Variants in SMIM1 observed in about 807,000 individuals in gnomAD.
SMIM1 encodes small integral membrane protein 1 (Vel blood group).
SMIM1 carries 7 observed loss-of-function variants against 7.7 expected under a neutral mutation model. The observed-to-expected ratio is 0.91, with a 90% CI of 0.52 to 1.71. The LOEUF is 1.71. Among genes scored for constraint, SMIM1 ranks in the 40% most tolerant of loss-of-function variants. The pLI is 0.00. For synonymous variants in SMIM1, 41 were observed against 42.7 expected (o/e 0.96, Z 0.16); for missense variants, 95 against 102.8 (o/e 0.92, Z 0.33).
At position 3,775,702 on chromosome 1, in the gene SMIM1, T is replaced by A; in HGVS notation, c.111-93T>A. 4.1e-6 allele frequency: 6 copies of A among 1,463,552 alleles called. No individual in the cohort carries two copies. Among genetic ancestry groups the A allele is most frequent in the Non-Finnish European group, 5.4e-6 (6 of 1,106,616 alleles). 90.7% of individuals were successfully genotyped at this position (1,463,552 alleles called of 1,614,324 possible). On this transcript the variant is annotated intron_variant, in intron 3 of 3. Transcript: ENST00000642557. This position sits in a 1 kb window ranked among gnomAD's most constrained non-coding sequence, Gnocchi z 5.3. ...GACTCCAGCAGAGCGCCCAGGCCCC[T>A]CCCCCTGACCCAGACCAACGGCCAC...
intron 2 of SMIM1, among the ~76,000 whole-genome samples, chr1:3,774,990 G>C (rs1643436034): frequency 6.6e-6 from 1 of 152,070 alleles, no homozygotes; most frequent in African/African-American, 2.4e-5. Context: ...CTCGTCTCTT[G>C]AGGGTGGCAG....
chr1:3,775,903 T>G lies in SMIM1; in HGVS notation c.219T>G (p.Tyr73Ter), dbSNP rs1182670350. ...IFILGYLTGY[Y>*]VHKCK is the part of the protein sequence containing the mutation. ...TCCTGGGCTACCTCACAGGCTACTA[T>G]GTGCACAAGTGCAAATAAATGCTGC... Residue 73 changes from tyrosine to a stop codon, truncating the protein, a stop_gained, in exon 4 of 4, where the codon TAT becomes TAG. Transcript: ENST00000642557. LOFTEE classifies it high-confidence loss of function. The surrounding 1 kb of genome is among the most constrained non-coding windows in gnomAD (Gnocchi z 5.3). The G allele has an allele frequency of 1.9e-6, 3 of 1,550,212 alleles. No individual in the cohort carries two copies. The highest frequency in any genetic ancestry group is 2.6e-6 in the Non-Finnish European group (3 of 1,146,900).
rs1248925882 is a variant in SMIM1, at chr1:3,775,103, G to A, written c.-75-196G>A. On this transcript the variant is annotated intron_variant, in intron 2 of 3. Coordinates refer to ENST00000642557, the MANE Select transcript of SMIM1 (RefSeq NM_001288583.2). This position sits in a 1 kb window ranked among gnomAD's most constrained non-coding sequence, Gnocchi z 5.3. ...CATGCCTGAGGTCAGGGCTTGGCCT[G>A]AGATGGAATTCTCGCTTGGTCCCAT... Among the ~76,000 whole-genome samples, 1 of 152,124 alleles carries A rather than the reference G, an allele frequency of 6.6e-6. No individual in the cohort carries two copies. The highest frequency in any genetic ancestry group is 2.4e-5 in the African/African-American group (1 of 41,410).
Position 3,773,053 on chromosome 1 carries a change from A to T in SMIM1, c.-194-10A>T, listed in dbSNP as rs916867056. 3.3e-5 allele frequency: 5 copies of T among 151,778 alleles called. No homozygotes were observed. The highest frequency in any genetic ancestry group is 1.2e-4 in the African/African-American group (5 of 41,404). The allele number at this position is 151,778 out of a possible 1,614,324, so 9.4% of individuals were successfully genotyped here. ...AAGATCGGCTTCTCCGGTCACCTTT[A>T]TTTTTTTAGGCTCGAGGCGTCTGCC... On this transcript the variant is annotated splice_polypyrimidine_tract_variant and intron_variant, in intron 1 of 3. Coordinates refer to ENST00000642557, the MANE Select transcript of SMIM1 (RefSeq NM_001288583.2).
Position 3,775,896 on chromosome 1 carries a change from G to A in SMIM1, c.212G>A (p.Gly71Asp). The change falls in exon 4 of 4, where the codon GGC becomes GAC. Residue 71 changes from glycine to aspartate, a missense_variant. Physicochemically the swap from Gly to Asp is moderately conservative, Grantham distance 94 (BLOSUM62 -1). Transcript: ENST00000642557. The surrounding 1 kb of genome is among the most constrained non-coding windows in gnomAD (Gnocchi z 5.3). Reference sequence around the variant, plus strand: ...ATCTTCATCCTGGGCTACCTCACAGGCTACTATGTGCACAAGTGCAAATAA... The same window carrying A: ...ATCTTCATCCTGGGCTACCTCACAGACTACTATGTGCACAAGTGCAAATAA... ...WIIFILGYLT[G>D]YYVHKCK 1 of 1,550,394 alleles carries A rather than the reference G, an allele frequency of 6.4e-7. No individual in the cohort carries two copies. The highest frequency in any genetic ancestry group is 1.2e-5 in the South Asian group (1 of 84,062).
chr1:3,774,328 G>A (rs997078647), intron 2 of SMIM1, among the ~76,000 whole-genome samples: 37 of 152,088 alleles, frequency 2.4e-4, no homozygotes, highest in Admixed American at 1.8e-3. Context: ...TCAACTTCTC[G>A]TGCCCCCTCC....
In SMIM1 at chr1:3,773,155, C is replaced by A. The variant is rs1643405998; in HGVS notation, c.-102C>A. On this transcript the variant is annotated 5_prime_UTR_variant, in exon 2 of 4. Coordinates refer to ENST00000642557, the MANE Select transcript of SMIM1 (RefSeq NM_001288583.2). ...CCCTGACCGCAACCTGGCCCAGAGG[C>A]CCCAGCCCTCAGGCAAGGTTCTCCG... 1 of 152,324 alleles carries A rather than the reference C, an allele frequency of 6.6e-6. No individual in the cohort carries two copies. Among genetic ancestry groups the A allele is most frequent in the Non-Finnish European group, 1.5e-5 (1 of 68,124 alleles). The allele number at this position is 152,324 out of a possible 1,614,324, so 9.4% of individuals were successfully genotyped here.
At chr1:3,774,417 C>A (rs977572765) in intron 2 of SMIM1, among the ~76,000 whole-genome samples, 1 of 152,144 alleles carries the variant, frequency 6.6e-6, no homozygotes, top group Non-Finnish European at 1.5e-5. Flanking sequence ...TGCTTAGAGT[C>A]CGGGCTGGCT....
Position 3,775,411 on chromosome 1 carries a change from G to GGGA in SMIM1, c.42_44dup (p.Glu14dup). 3 of 1,550,654 alleles carry GGGA rather than the reference G, an allele frequency of 1.9e-6. No homozygotes were observed. The East Asian group carries it at 7.3e-5, about 38-fold the overall frequency. On this transcript the variant is annotated inframe_insertion, in exon 3 of 4. Transcript: ENST00000642557. This position sits in a 1 kb window ranked among gnomAD's most constrained non-coding sequence, Gnocchi z 5.3. ...GAGAGCCACGTCCACTATAGTAGGT[G>GGGA]GGAGGACGGCAGCAGGGACGGAGTC...
intron 2 of SMIM1, among the ~76,000 whole-genome samples, chr1:3,773,455 A>G (rs1346394431): frequency 6.6e-6 from 1 of 152,168 alleles, no homozygotes; most frequent in Non-Finnish European, 1.5e-5. Flanking sequence ...AACGTGTTCT[A>G]CGTCAGCAAG....
In SMIM1 at chr1:3,775,555, C is replaced by G. The variant is rs922460090; in HGVS notation, c.110+72C>G. ...CCCTCCAGAGACGCCTGCCCTAACCCCTGCTACCGGCCCCATCACCCTCCA... is the reference window on the plus strand; with the variant it reads ...CCCTCCAGAGACGCCTGCCCTAACCGCTGCTACCGGCCCCATCACCCTCCA... On this transcript the variant is annotated intron_variant, in intron 3 of 3. Coordinates refer to ENST00000642557, the MANE Select transcript of SMIM1 (RefSeq NM_001288583.2). The surrounding 1 kb of genome is among the most constrained non-coding windows in gnomAD (Gnocchi z 5.3). 1 of 1,389,362 alleles carries G rather than the reference C, an allele frequency of 7.2e-7. No individual in the cohort carries two copies. The highest frequency in any genetic ancestry group is 9.8e-7 in the Non-Finnish European group (1 of 1,020,324). The allele number at this position is 1,389,362 out of a possible 1,614,324, so 86.1% of individuals were successfully genotyped here.
At position 3,775,524 on chromosome 1, in the gene SMIM1, G is replaced by C. The variant is rs1362806908; in HGVS notation, c.110+41G>C. ...GCAGCCTGCCAGCCATAGCAGGCTG[G>C]TGTCTCCCTCCAGAGACGCCTGCCC... On this transcript the variant is annotated intron_variant, in intron 3 of 3. Coordinates refer to ENST00000642557, the MANE Select transcript of SMIM1 (RefSeq NM_001288583.2). This position sits in a 1 kb window ranked among gnomAD's most constrained non-coding sequence, Gnocchi z 5.3. 6.6e-7 allele frequency: 1 copy of C among 1,509,014 alleles called. No individual in the cohort carries two copies. The highest frequency in any genetic ancestry group is 9.0e-7 in the Non-Finnish European group (1 of 1,113,784). The allele number at this position is 1,509,014 out of a possible 1,614,324, so 93.5% of individuals were successfully genotyped here.
rs1029214143 is a variant in SMIM1, at chr1:3,775,284, C to A, written c.-75-15C>A. 54 of 972,102 alleles carry A rather than the reference C, an allele frequency of 5.6e-5. No individual in the cohort carries two copies. In the African/African-American group the frequency reaches 7.7e-4, roughly 14 times the overall value. The allele number at this position is 972,102 out of a possible 1,614,324, so 60.2% of individuals were successfully genotyped here. On this transcript the variant is annotated splice_polypyrimidine_tract_variant and intron_variant, in intron 2 of 3. Transcript: ENST00000642557. This position sits in a 1 kb window ranked among gnomAD's most constrained non-coding sequence, Gnocchi z 5.3. ...GGGGGTCTTGACTGCCGCCCTCCAT[C>A]CGCTTGTTTTACAGTGAAGCCACAG...
rs898992860 is a variant in SMIM1 at position 3,773,157 on chromosome 1, C to A, written c.-100C>A. On this transcript the variant is annotated 5_prime_UTR_variant, in exon 2 of 4. Coordinates refer to ENST00000642557, the MANE Select transcript of SMIM1 (RefSeq NM_001288583.2). The stretch of plus-strand genomic sequence containing the variant: ...CTGACCGCAACCTGGCCCAGAGGCC[C>A]CAGCCCTCAGGCAAGGTTCTCCGGG... 3.3e-5 allele frequency: 5 copies of A among 152,320 alleles called. No homozygotes were observed. The highest frequency in any genetic ancestry group is 6.5e-5 in the Admixed American group (1 of 15,290). The allele number at this position is 152,320 out of a possible 1,614,324, so 9.4% of individuals were successfully genotyped here.
Position 3,775,418 on chromosome 1 carries a change from C to T in SMIM1, c.45C>T (p.Asp15=), listed in dbSNP as rs938836150. 19 of 1,550,470 alleles carry T rather than the reference C, an allele frequency of 1.2e-5. No homozygotes were observed. Among genetic ancestry groups the T allele is most frequent in the South Asian group, 3.6e-5 (3 of 84,038 alleles). Reference sequence around the variant, plus strand: ...ACGTCCACTATAGTAGGTGGGAGGACGGCAGCAGGGACGGAGTCAGCCTAG... The same window carrying T: ...ACGTCCACTATAGTAGGTGGGAGGATGGCAGCAGGGACGGAGTCAGCCTAG... ...ESHVHYSRWE[D]GSRDGVSLGA... is the part of the protein sequence containing the mutation. Residue 15 remains aspartate (D), a synonymous_variant, in exon 3 of 4, where the codon GAC becomes GAT. Coordinates refer to ENST00000642557, the MANE Select transcript of SMIM1 (RefSeq NM_001288583.2). This position sits in a 1 kb window ranked among gnomAD's most constrained non-coding sequence, Gnocchi z 5.3.
chr1:3,775,763 TGG>T lies in SMIM1; in HGVS notation c.111-29_111-28del. The T allele has an allele frequency of 6.5e-7, 1 of 1,545,208 alleles. No homozygotes were observed. Among genetic ancestry groups the T allele is most frequent in the Non-Finnish European group, 8.7e-7 (1 of 1,145,508 alleles). The stretch of plus-strand genomic sequence containing the variant: ...GGGGGCCCCTCATGCGGCCCTGGCC[TGG>T]GGCTCACCTCCAGTTGGTTCTCACC... On this transcript the variant is annotated intron_variant, in intron 3 of 3. Coordinates refer to ENST00000642557, the MANE Select transcript of SMIM1 (RefSeq NM_001288583.2). This position sits in a 1 kb window ranked among gnomAD's most constrained non-coding sequence, Gnocchi z 5.3.
rs758683209 is a variant in SMIM1 at position 3,775,953 on chromosome 1, C to T, written c.*32C>T. Reference sequence around the variant, plus strand: ...CCCCGCATGCACGCGGGGGGCTGGCCGCACACGTGAGAGCACAGGCCTGGA... The same window carrying T: ...CCCCGCATGCACGCGGGGGGCTGGCTGCACACGTGAGAGCACAGGCCTGGA... On this transcript the variant is annotated 3_prime_UTR_variant, in exon 4 of 4. Coordinates refer to ENST00000642557, the MANE Select transcript of SMIM1 (RefSeq NM_001288583.2). This position sits in a 1 kb window ranked among gnomAD's most constrained non-coding sequence, Gnocchi z 5.3. 71 of 1,540,832 alleles carry T rather than the reference C, an allele frequency of 4.6e-5. 1 individual carries two copies. Among genetic ancestry groups the T allele is most frequent in the South Asian group, 3.7e-4 (31 of 83,372 alleles).
Position 3,775,359 on chromosome 1 carries a change from CTGCAGCCCCACAGCA to C in SMIM1, c.-4_11del. On this transcript the variant is annotated start_lost and 5_prime_UTR_variant, in exon 3 of 4. Coordinates refer to ENST00000642557, the MANE Select transcript of SMIM1 (RefSeq NM_001288583.2). This position sits in a 1 kb window ranked among gnomAD's most constrained non-coding sequence, Gnocchi z 5.3. ...CACCGAGAAGGCCCCGCCCCTCCCG[CTGCAGCCCCACAGCA>C]TGCAGCCCCAGGAGAGCCACGTCCA... The C allele has an allele frequency of 6.5e-7, 1 of 1,546,030 alleles. No individual in the cohort carries two copies.
In SMIM1 at chr1:3,775,931, C is replaced by T. The variant is rs1390913784; in HGVS notation, c.*10C>T. 48 of 1,546,968 alleles carry T rather than the reference C, an allele frequency of 3.1e-5. No individual in the cohort carries two copies. Among genetic ancestry groups the T allele is most frequent in the Admixed American group, 5.9e-5 (3 of 50,910 alleles). On this transcript the variant is annotated 3_prime_UTR_variant, in exon 4 of 4. Transcript: ENST00000642557. This position sits in a 1 kb window ranked among gnomAD's most constrained non-coding sequence, Gnocchi z 5.3. ...GCACAAGTGCAAATAAATGCTGCCC[C>T]GCATGCACGCGGGGGGCTGGCCGCA...
Sources: gnomAD v4.1 joint callset for allele counts (sites outside exome capture counted in the v4.1 genomes callset) on GRCh38, gnomAD v4.1.1 for gene constraint, Gnocchi (gnomAD v3.1) non-coding constraint, MANE v1.5 for transcripts, NCBI Gene and HGNC (gene_info 2026-07-23, HGNC 2026-07-21) for gene names.